TMEM266: variants seen among roughly 807,000 people sequenced by gnomAD.
TMEM266 encodes Hv1 related protein 1.
TMEM266 carries 33 observed loss-of-function variants against 50.5 expected under a neutral mutation model. That is an observed-to-expected ratio of 0.65 (90% confidence interval 0.50 to 0.87). The LOEUF is 0.87. Among genes scored for constraint, TMEM266 ranks in the 40% least tolerant of loss-of-function variants. TMEM266 has a pLI of 0.00. For synonymous variants in TMEM266, 310 were observed against 292.3 expected (o/e 1.06, Z -0.62); for missense variants, 655 against 695.1 (o/e 0.94, Z 0.65).
chr15:76,124,773 T>G (rs889876882), intron 1 of TMEM266, among the ~76,000 whole-genome samples: 13 of 152,164 alleles, frequency 8.5e-5, no homozygotes, highest in Admixed American at 6.5e-5. Flanking sequence ...TACTCCAGCC[T>G]TGATGATGGA....
Position 76,199,904 on chromosome 15 carries a change from T to C in TMEM266, c.959-2298T>C, listed in dbSNP as rs528879720. Among the ~76,000 whole-genome samples, 4 of 152,172 alleles carry C rather than the reference T, an allele frequency of 2.6e-5. No individual in the cohort carries two copies. In the East Asian group the frequency reaches 7.7e-4, roughly 29 times the overall value. On this transcript the variant is annotated intron_variant, in intron 9 of 10. Coordinates refer to ENST00000388942, the MANE Select transcript of TMEM266 (RefSeq NM_152335.3). The stretch of plus-strand genomic sequence containing the variant: ...TCCCAGGAGGGATGTGAGGGGCTTT[T>C]TAGGTGGTGGAAGGGCTGTCATGTA...
intron 1 of TMEM266, among the ~76,000 whole-genome samples, chr15:76,106,657 G>A (rs1025511180): frequency 6.6e-6 from 1 of 151,954 alleles, no homozygotes; most frequent in Non-Finnish European, 1.5e-5. Context: ...TGTTCCCCAG[G>A]CTGGTCTCAA....
At position 76,089,586 on chromosome 15, in the gene TMEM266, G is replaced by A. The variant is rs147105079; in HGVS notation, c.-97+29570G>A. The stretch of plus-strand genomic sequence containing the variant: ...AAATGGGGAGAGATAAATTGCAAAA[G>A]GTTGTGTATGATACTAATAAGTTTA... On this transcript the variant is annotated intron_variant, in intron 1 of 10. Coordinates refer to ENST00000388942, the MANE Select transcript of TMEM266 (RefSeq NM_152335.3). Among the ~76,000 whole-genome samples, 439 of 152,234 alleles carry A rather than the reference G, an allele frequency of 2.9e-3. 4 individuals are homozygous for A. The highest frequency in any genetic ancestry group is 9.4e-3 in the African/African-American group (389 of 41,544).
chr15:76,189,057 G>A (rs1438378993), intron 8 of TMEM266, among the ~76,000 whole-genome samples: 4 of 151,934 alleles, frequency 2.6e-5, no homozygotes, highest in Non-Finnish European at 2.9e-5. Flanking sequence ...AAAATTAGCC[G>A]GGCATGTGCC....
At chr15:76,083,372 C>T (rs2036724983) in intron 1 of TMEM266, among the ~76,000 whole-genome samples, 1 of 151,856 alleles carries the variant, frequency 6.6e-6, no homozygotes, top group Non-Finnish European at 1.5e-5. Context: ...AAGGTAATGA[C>T]CAAATTCTTA....
intron 8 of TMEM266, chr15:76,191,447 G>T (rs138354698): frequency 6.6e-6 from 1 of 152,298 alleles, no homozygotes; most frequent in African/African-American, 2.4e-5. Flanking sequence ...GGACTGAATC[G>T]GTCTGGTCCT....
intron 1 of TMEM266, among the ~76,000 whole-genome samples, chr15:76,063,600 C>T (rs1204640675): frequency 6.6e-6 from 1 of 152,164 alleles, no homozygotes; most frequent in Non-Finnish European, 1.5e-5. Flanking sequence ...TTTCCTCCTC[C>T]CTGTCTTGCT....
chr15:76,126,897 C>T (rs990796554), intron 1 of TMEM266, among the ~76,000 whole-genome samples: 9 of 151,914 alleles, frequency 5.9e-5, no homozygotes, highest in Non-Finnish European at 1.3e-4. Flanking sequence ...ATGATAGTTA[C>T]CAGGGGTTGC....
intron 3 of TMEM266, among the ~76,000 whole-genome samples, chr15:76,147,162 T>A (rs577781229): frequency 6.9e-4 from 105 of 152,346 alleles, no homozygotes; most frequent in South Asian, 1.2e-3. Context: ...AGGCTTCTTA[T>A]GCCTCAGAAG....
At position 76,086,929 on chromosome 15, in the gene TMEM266, G is replaced by GC. The variant is rs376678967; in HGVS notation, c.-97+26913_-97+26914insC. On this transcript the variant is annotated intron_variant, in intron 1 of 10. Coordinates refer to ENST00000388942, the MANE Select transcript of TMEM266 (RefSeq NM_152335.3). ...GCCATGCAGAAAAAGGGAGCAGGTC[G>GC]GGGGGGGGGCGGTGGTGTTGCAAAG... Among the ~76,000 whole-genome samples the GC allele has an allele frequency of 2.9e-3, 98 of 33,924 alleles. 1 individual carries two copies. The highest frequency in any genetic ancestry group is 9.5e-3 in the African/African-American group (95 of 9,978). The allele number at this position is 33,924 out of a possible 152,430, so 22.3% of individuals were successfully genotyped here.
At chr15:76,191,171 T>C (rs1200226395) in intron 8 of TMEM266, among the ~76,000 whole-genome samples, 2 of 152,210 alleles carry the variant, frequency 1.3e-5, no homozygotes, top group African/African-American at 4.8e-5. Flanking sequence ...GCCACCCTAT[T>C]GTTCATGAAT....
chr15:76,094,212 T>C (rs1259672641), intron 1 of TMEM266, among the ~76,000 whole-genome samples: 1 of 152,124 alleles, frequency 6.6e-6, no homozygotes, highest in Non-Finnish European at 1.5e-5. Context: ...CTAAATGGTA[T>C]TGCCCAGGTT....
chr15:76,203,506 G>C (rs2038783481), intron 10 of TMEM266, among the ~76,000 whole-genome samples: 1 of 152,208 alleles, frequency 6.6e-6, no homozygotes, highest in Non-Finnish European at 1.5e-5. Context: ...ACTGGCCAAA[G>C]CGTGTCACAC....
At chr15:76,151,503 A>G (rs2037842583) in intron 3 of TMEM266, among the ~76,000 whole-genome samples, 1 of 151,952 alleles carries the variant, frequency 6.6e-6, no homozygotes, top group Non-Finnish European at 1.5e-5. Flanking sequence ...GTGGTCTTGC[A>G]GTCTAGTGCA....
At chr15:76,118,395 CT>C (rs2037285365) in intron 1 of TMEM266, among the ~76,000 whole-genome samples, 1 of 152,182 alleles carries the variant, frequency 6.6e-6, no homozygotes, top group African/African-American at 2.4e-5. Context: ...AACCCCGTCT[CT>C]ACTAAAAACA....
At chr15:76,155,520 G>A (rs188143894) in intron 3 of TMEM266, among the ~76,000 whole-genome samples, 36 of 152,276 alleles carry the variant, frequency 2.4e-4, no homozygotes, top group Admixed American at 2.2e-3. Context: ...CTGAGAGTCC[G>A]TGGAACTCTA....
intron 9 of TMEM266, among the ~76,000 whole-genome samples, chr15:76,200,390 C>T (rs1209261731): frequency 1.3e-5 from 2 of 152,218 alleles, no homozygotes; most frequent in East Asian, 3.9e-4. Context: ...CATCGGGGTA[C>T]AGATGAAGAA....
intron 7 of TMEM266, among the ~76,000 whole-genome samples, chr15:76,171,786 C>T (rs1042067411): frequency 6.6e-6 from 1 of 152,198 alleles, no homozygotes; most frequent in Non-Finnish European, 1.5e-5. Flanking sequence ...CCCCACTGGG[C>T]CACTCTTGTC....
At chr15:76,119,408 A>AAAAAG (rs1555447937) in intron 1 of TMEM266, among the ~76,000 whole-genome samples, 6 of 148,928 alleles carry the variant, frequency 4.0e-5, no homozygotes, top group Non-Finnish European at 5.9e-5. Flanking sequence ...AAAAAAAAAA[A>AAAAAG]AAAAGAAAAG....
Sources: gnomAD v4.1 joint callset for allele counts (sites outside exome capture counted in the v4.1 genomes callset) on GRCh38, gnomAD v4.1.1 for gene constraint, MANE v1.5 for transcripts, NCBI Gene and HGNC (gene_info 2026-07-23, HGNC 2026-07-21) for gene names.